Variants in SLIT3 observed in about 807,000 individuals in gnomAD.
The protein encoded by SLIT3 is slit homolog 3 protein.
In SLIT3, 68 loss-of-function variants were observed where a neutral mutation model predicts 184.0. The ratio of observed to expected loss-of-function variants is 0.37; its 90% CI spans 0.30 to 0.45. The LOEUF is 0.45. Ranked by LOEUF, SLIT3 falls within the 20% of genes least tolerant of loss-of-function variation. The pLI is 1.00. For synonymous variants in SLIT3, 831 were observed against 828.6 expected (o/e 1.00, Z -0.05); for missense variants, 1,707 against 2,026.0 (o/e 0.84, Z 3.02).
intron 6 of SLIT3, among the ~76,000 whole-genome samples, chr5:168,830,106 A>T (rs954584781): frequency 7.2e-5 from 11 of 152,088 alleles, no homozygotes; most frequent in African/African-American, 2.2e-4. Context: ...CCTAAGAGTG[A>T]TCGTTATTGG....
chr5:168,957,074 C>T (rs1009713397), intron 4 of SLIT3, among the ~76,000 whole-genome samples: 3 of 151,706 alleles, frequency 2.0e-5, no homozygotes, highest in Non-Finnish European at 4.4e-5. Context: ...ACTCAAAATA[C>T]AAAAATTAGC....
intron 4 of SLIT3, among the ~76,000 whole-genome samples, chr5:168,905,987 C>T (rs1053942420): frequency 1.3e-5 from 2 of 152,160 alleles, no homozygotes; most frequent in African/African-American, 4.8e-5. Flanking sequence ...CTATTGAGGA[C>T]TCAGCTGGAG....
chr5:168,676,711 C>G (rs578134449), intron 32 of SLIT3, among the ~76,000 whole-genome samples: 34 of 137,424 alleles, frequency 2.5e-4, no homozygotes, highest in Non-Finnish European at 4.8e-4. Context: ...GCTCACCACC[C>G]TGGAGGTGTG....
At chr5:169,129,424 C>T (rs527622984) in intron 4 of SLIT3, among the ~76,000 whole-genome samples, 16 of 152,046 alleles carry the variant, frequency 1.1e-4, no homozygotes, top group South Asian at 4.2e-4. Flanking sequence ...TGGTGGTGGG[C>T]GCCTGTAATA....
At chr5:168,757,625 C>A (rs375462791) in intron 16 of SLIT3, among the ~76,000 whole-genome samples, 1 of 151,726 alleles carries the variant, frequency 6.6e-6, no homozygotes, top group East Asian at 1.9e-4. Context: ...TTAGTAGAGA[C>A]GGGGTTTCAC....
intron 4 of SLIT3, among the ~76,000 whole-genome samples, chr5:169,114,785 C>T (rs926402642): frequency 5.9e-5 from 9 of 152,214 alleles, no homozygotes; most frequent in African/African-American, 2.2e-4. Context: ...TGGAGAAAGA[C>T]GGGTCCTCCC....
intron 1 of SLIT3, among the ~76,000 whole-genome samples, chr5:169,283,915 A>G (rs577620698): frequency 3.3e-5 from 5 of 152,156 alleles, no homozygotes; most frequent in Non-Finnish European, 7.3e-5. Flanking sequence ...GGCTCCTGGG[A>G]GGTCTTAGGG....
intron 12 of SLIT3, 77 bp downstream of exon 12, chr5:168,785,830 G>T: frequency 9.4e-7 from 1 of 1,068,770 alleles, no homozygotes; most frequent in Non-Finnish European, 1.4e-6. Flanking sequence ...GAACTCTCCA[G>T]AGCATGGCTC....
intron 4 of SLIT3, among the ~76,000 whole-genome samples, chr5:169,179,995 T>G (rs1208646027): frequency 6.6e-6 from 1 of 151,868 alleles, no homozygotes; most frequent in Non-Finnish European, 1.5e-5. Flanking sequence ...TACAAACAAG[T>G]AAACAAATAA....
chr5:169,202,515 A>T (rs6886281), intron 3 of SLIT3, among the ~76,000 whole-genome samples: 10,449 of 152,082 alleles, frequency 0.069, 447 homozygotes, highest in South Asian at 0.12. Context: ...TTGGACACTA[A>T]AACCTGTGAT....
At chr5:169,019,228 C>G (rs1196556116) in intron 4 of SLIT3, among the ~76,000 whole-genome samples, 1 of 152,214 alleles carries the variant, frequency 6.6e-6, no homozygotes, top group African/African-American at 2.4e-5. Context: ...CTTCTCAGAC[C>G]TGGGGGTCGA....
intron 3 of SLIT3, among the ~76,000 whole-genome samples, chr5:169,203,162 A>T (rs543529696): frequency 6.6e-6 from 1 of 152,332 alleles, no homozygotes; most frequent in East Asian, 1.9e-4. Flanking sequence ...TTTTGCCCAG[A>T]ACAATGCAGG....
At chr5:168,735,646 A>G (rs373184338) in intron 20 of SLIT3, among the ~76,000 whole-genome samples, 4 of 143,998 alleles carry the variant, frequency 2.8e-5, no homozygotes, top group Non-Finnish European at 4.5e-5. Flanking sequence ...ATACACATAC[A>G]TATAGACAGA....
At chr5:169,247,062 C>T (rs1008945077) in intron 2 of SLIT3, among the ~76,000 whole-genome samples, 12 of 151,368 alleles carry the variant, frequency 7.9e-5, no homozygotes, top group African/African-American at 2.9e-4. Context: ...AACCCTGTCT[C>T]TACTAAAAAT....
rs1434174996 is a variant in SLIT3, at chr5:168,956,613, G to A, written c.414-73277C>T. ...GACAGAGACCAGCCTGGCCAACGTG[G>A]TGAAACCCCATCTCTACTAAAAACA... On this transcript the variant is annotated intron_variant, in intron 4 of 35. Transcript: ENST00000519560. Among the ~76,000 whole-genome samples the A allele has an allele frequency of 3.9e-5, 6 of 152,004 alleles. No individual in the cohort carries two copies. The East Asian group carries it at 1.2e-3, about 30-fold the overall frequency.
At chr5:168,833,848 G>A (rs534082965) in intron 6 of SLIT3, among the ~76,000 whole-genome samples, 1 of 152,242 alleles carries the variant, frequency 6.6e-6, no homozygotes, top group South Asian at 2.1e-4. Flanking sequence ...ATGAAGTGGT[G>A]GAACCAGCTG....
At chr5:169,151,745 A>G (rs1029187429) in intron 4 of SLIT3, among the ~76,000 whole-genome samples, 2 of 152,218 alleles carry the variant, frequency 1.3e-5, no homozygotes, top group African/African-American at 4.8e-5. Flanking sequence ...TAGCCTCTGA[A>G]AGGCCTGCCT....
At chr5:169,132,131 C>T (rs1023821491) in intron 4 of SLIT3, among the ~76,000 whole-genome samples, 13 of 152,166 alleles carry the variant, frequency 8.5e-5, no homozygotes, top group Non-Finnish European at 1.5e-4. Flanking sequence ...ACATGTCCAG[C>T]ACACACTATG....
intron 24 of SLIT3, among the ~76,000 whole-genome samples, 170 bp downstream of exon 24, chr5:168,712,113 T>C (rs1488589659): frequency 6.6e-6 from 1 of 152,242 alleles, no homozygotes; most frequent in East Asian, 1.9e-4. Flanking sequence ...TTTGAAGGCT[T>C]CTGAGGTGGG....
Sources: gnomAD v4.1 joint callset for allele counts (sites outside exome capture counted in the v4.1 genomes callset) on GRCh38, gnomAD v4.1.1 for gene constraint, MANE v1.5 for transcripts, NCBI Gene and HGNC (gene_info 2026-07-23, HGNC 2026-07-21) for gene names.